Variants in EPB41L3 observed in about 807,000 individuals in gnomAD.
The protein encoded by EPB41L3 is erythrocyte membrane protein band 4.1 like 3, also known as band 4.1-like protein 3.
In EPB41L3, 57 loss-of-function variants were observed where a neutral mutation model predicts 127.1. The observed-to-expected ratio is 0.45, with a 90% CI of 0.36 to 0.56. The LOEUF (loss-of-function observed/expected upper bound fraction) is 0.56, where lower values mean the gene tolerates loss of function less well. Among genes scored for constraint, EPB41L3 ranks in the 20% least tolerant of loss-of-function variants. The pLI is 0.00. For synonymous variants in EPB41L3, 572 were observed against 549.5 expected, an observed-to-expected ratio of 1.04 and a Z score of -0.57; for missense variants, 1,273 against 1,372.2, an observed-to-expected ratio of 0.93 and a Z score of 1.14.
chr18:5,506,735 C>A (rs2092233211), intron 1 of EPB41L3, among the ~76,000 whole-genome samples: 1 of 152,166 alleles, frequency 6.6e-6, no homozygotes, highest in African/African-American at 2.4e-5. Context: ...CAAAGAGTAT[C>A]TGCTGAATGT....
intron 11 of EPB41L3, chr18:5,420,308 T>C (rs17466712): frequency 0.014 from 2,976 of 217,870 alleles, 38 homozygotes; most frequent in Non-Finnish European, 0.021. Context: ...ACAGCAGTCT[T>C]TGCAGTACAC....
intron 2 of EPB41L3, among the ~76,000 whole-genome samples, chr18:5,487,671 G>A (rs1241290566): frequency 6.6e-6 from 1 of 150,708 alleles, no homozygotes; most frequent in Non-Finnish European, 1.5e-5. Context: ...TTTGTATTGG[G>A]CCCGGCTGTC....
At chr18:5,497,523 C>A (rs1467104244) in intron 1 of EPB41L3, among the ~76,000 whole-genome samples, 2 of 152,190 alleles carry the variant, frequency 1.3e-5, no homozygotes, top group East Asian at 3.9e-4. Flanking sequence ...AGTGTTAGGT[C>A]TCTTAAAACA....
intron 3 of EPB41L3, among the ~76,000 whole-genome samples, chr18:5,475,537 T>C (rs1323107208): frequency 6.6e-6 from 1 of 152,234 alleles, no homozygotes; most frequent in Non-Finnish European, 1.5e-5. Flanking sequence ...AAACAGCCTG[T>C]GATTACAAAA....
intron 3 of EPB41L3, among the ~76,000 whole-genome samples, chr18:5,566,777 CTATTCT>C (rs879265315): frequency 0.045 from 6,574 of 146,944 alleles, 249 homozygotes; most frequent in Non-Finnish European, 0.068. Flanking sequence ...CTATTCTATT[CTATTCT>C]ATTCTATTCC....
At chr18:5,541,084 C>A (rs1485754574) in intron 1 of EPB41L3, among the ~76,000 whole-genome samples, 285 of 76,128 alleles carry the variant, frequency 3.7e-3, no homozygotes, top group Middle Eastern at 8.5e-3. Context: ...GACTCCGTCT[C>A]AAAAAAAAAA....
chr18:5,622,440 T>C (rs185539201), intron 1 of EPB41L3, among the ~76,000 whole-genome samples: 256 of 152,366 alleles, frequency 1.7e-3, no homozygotes, highest in African/African-American at 5.7e-3. Flanking sequence ...AGCTAGTACC[T>C]ACTGGTACTG....
At chr18:5,503,671 A>C (rs1227285499) in intron 1 of EPB41L3, among the ~76,000 whole-genome samples, 1 of 152,246 alleles carries the variant, frequency 6.6e-6, no homozygotes, top group Admixed American at 6.5e-5. Context: ...AGAAATGACA[A>C]GTAGAAAACA....
intron 3 of EPB41L3, among the ~76,000 whole-genome samples, chr18:5,558,033 G>A (rs1323982724): frequency 6.6e-6 from 1 of 152,190 alleles, no homozygotes; most frequent in Non-Finnish European, 1.5e-5. Flanking sequence ...AATTTATTGA[G>A]CACTTAGTAT....
intron 12 of EPB41L3, among the ~76,000 whole-genome samples, chr18:5,417,166 T>C (rs2076929089): frequency 6.6e-6 from 1 of 152,254 alleles, no homozygotes; most frequent in Non-Finnish European, 1.5e-5. Flanking sequence ...TTACTTTCTA[T>C]TATTTATGAT....
intron 16 of EPB41L3, chr18:5,400,787 GATA>G: frequency 1.7e-6 from 1 of 580,838 alleles, no homozygotes; most frequent in South Asian, 2.2e-5. Context: ...ATGCATAACT[GATA>G]ACTAAAATAT....
chr18:5,508,400 A>G (rs908564265), intron 1 of EPB41L3: 3 of 152,196 alleles, frequency 2.0e-5, no homozygotes, highest in Admixed American at 2.0e-4. Flanking sequence ...AAACTTTTGC[A>G]AAGTATTCCT....
chr18:5,541,674 T>C (rs2093734542), intron 1 of EPB41L3, among the ~76,000 whole-genome samples: 1 of 152,240 alleles, frequency 6.6e-6, no homozygotes, highest in Non-Finnish European at 1.5e-5. Flanking sequence ...AACACAAAGT[T>C]GTCCAAAGTC....
chr18:5,476,201 G>A (rs2087184860), intron 3 of EPB41L3, among the ~76,000 whole-genome samples: 1 of 152,026 alleles, frequency 6.6e-6, no homozygotes. Context: ...AAAGATGTCA[G>A]CCGTGAACAT....
chr18:5,546,444 T>C (rs143720992), upstream of EPB41L3, among the ~76,000 whole-genome samples: 996 of 152,152 alleles, frequency 6.5e-3, 10 homozygotes, highest in African/African-American at 0.023. Flanking sequence ...GGCAGAGAAT[T>C]GCTTGAACCT....
chr18:5,502,849 A>T (rs912136088), intron 1 of EPB41L3, among the ~76,000 whole-genome samples: 3 of 152,198 alleles, frequency 2.0e-5, no homozygotes, highest in Non-Finnish European at 4.4e-5. Flanking sequence ...TCCCTGAGAA[A>T]GGGAGGTAGT....
intron 3 of EPB41L3, among the ~76,000 whole-genome samples, chr18:5,606,582 T>G (rs1342577520): frequency 2.6e-5 from 4 of 152,212 alleles, no homozygotes; most frequent in Admixed American, 2.6e-4. Flanking sequence ...GTATCATTTT[T>G]CTATTTATTT....
chr18:5,556,979 GGGCCCCGGGGGTCT>G (rs879408902), intron 3 of EPB41L3, among the ~76,000 whole-genome samples: 2,832 of 152,248 alleles, frequency 0.019, 32 homozygotes, highest in Non-Finnish European at 0.03. Context: ...CACAGCTGGG[GGGCCCCGGGGGTCT>G]CCCTCCTTCC....
At chr18:5,579,813 C>T (rs1211745070) in intron 3 of EPB41L3, among the ~76,000 whole-genome samples, 1 of 152,200 alleles carries the variant, frequency 6.6e-6, no homozygotes, top group Non-Finnish European at 1.5e-5. Flanking sequence ...CATACTGTAA[C>T]CAATGTCTCT....
Sources: gnomAD v4.1 joint callset for allele counts (sites outside exome capture counted in the v4.1 genomes callset) on GRCh38, gnomAD v4.1.1 for gene constraint, MANE v1.5 for transcripts, NCBI Gene and HGNC (gene_info 2026-07-23, HGNC 2026-07-21) for gene names.